TMEM117: variants seen among roughly 807,000 people sequenced by gnomAD.
TMEM117 encodes transmembrane protein 117.
Under a neutral mutation model 52.4 loss-of-function variants are expected in TMEM117, and 27 were observed. That is an observed-to-expected ratio of 0.51 (90% CI 0.38 to 0.71). TMEM117 has a LOEUF of 0.71. Among genes scored for constraint, TMEM117 ranks in the 30% least tolerant of loss-of-function variants. TMEM117 has a pLI of 0.00. For synonymous variants in TMEM117, 215 were observed against 206.3 expected (o/e 1.04, Z -0.36); for missense variants, 556 against 630.5 (o/e 0.88, Z 1.26).
At chr12:44,271,844 G>T (rs1418281593) in intron 5 of TMEM117, among the ~76,000 whole-genome samples, 1 of 151,990 alleles carries the variant, frequency 6.6e-6, no homozygotes, top group Admixed American at 6.6e-5. Context: ...TATATGATAA[G>T]GGGTTAATAT....
intron 3 of TMEM117, among the ~76,000 whole-genome samples, chr12:44,081,562 A>G (rs1299971405): frequency 6.6e-6 from 1 of 152,158 alleles, no homozygotes; most frequent in Non-Finnish European, 1.5e-5. Flanking sequence ...AGAATCAATA[A>G]TTAGATGGCC....
rs1438209796 is a variant in TMEM117 at position 43,844,942 on chromosome 12, C to T, written c.277+14C>T. On this transcript the variant is annotated intron_variant, in intron 2 of 7. Transcript: ENST00000266534. ...AGCGTTTGTTTGGTAAGTACCATGACCCATGAAATGTAATATCACTAATTA... is the reference window on the plus strand; with the variant it reads ...AGCGTTTGTTTGGTAAGTACCATGATCCATGAAATGTAATATCACTAATTA... 3.8e-6 allele frequency: 6 copies of T among 1,590,100 alleles called. No homozygotes were observed. Among genetic ancestry groups the T allele is most frequent in the Non-Finnish European group, 5.1e-6 (6 of 1,172,950 alleles).
the TMEM117 span, among the ~76,000 whole-genome samples, chr12:43,811,545 T>C: frequency 6.6e-6 from 1 of 152,234 alleles, no homozygotes; most frequent in Non-Finnish European, 1.5e-5. Context: ...CAGCCAAATA[T>C]ATTTTGTAAG....
At chr12:44,199,659 T>C (rs777214942) in intron 4 of TMEM117, among the ~76,000 whole-genome samples, 1 of 152,186 alleles carries the variant, frequency 6.6e-6, no homozygotes, top group African/African-American at 2.4e-5. Flanking sequence ...AGGATCTTTA[T>C]TGAAGTATTT....
intron 3 of TMEM117, among the ~76,000 whole-genome samples, chr12:44,023,923 C>G (rs1269974112): frequency 6.6e-6 from 1 of 151,758 alleles, no homozygotes; most frequent in Non-Finnish European, 1.5e-5. Context: ...TGTAACAAAT[C>G]TGCACATTGT....
chr12:44,104,954 A>G (rs547140112), intron 3 of TMEM117, among the ~76,000 whole-genome samples: 1 of 152,012 alleles, frequency 6.6e-6, no homozygotes, highest in South Asian at 2.1e-4. Context: ...CTAGATGTAG[A>G]CTTTTGACAT....
upstream of TMEM117, chr12:43,835,930 G>C (rs964732378): frequency 3.3e-5 from 5 of 151,710 alleles, no homozygotes; most frequent in Admixed American, 6.6e-5. Context: ...CGCGGCGCCG[G>C]TGCCCTTGCG....
chr12:44,191,180 T>C (rs1160977155), intron 4 of TMEM117, among the ~76,000 whole-genome samples: 1 of 151,954 alleles, frequency 6.6e-6, no homozygotes, highest in African/African-American at 2.4e-5. Context: ...AAGCCTCTTA[T>C]AAAATCCATC....
chr12:44,397,554 C>G, the TMEM117 span, among the ~76,000 whole-genome samples: 2 of 152,134 alleles, frequency 1.3e-5, no homozygotes, highest in Admixed American at 1.3e-4. Context: ...AAAACTCGGA[C>G]GAACTGTGAT....
intron 4 of TMEM117, among the ~76,000 whole-genome samples, chr12:44,170,936 A>C (rs1949036369): frequency 6.6e-6 from 1 of 152,044 alleles, no homozygotes; most frequent in Non-Finnish European, 1.5e-5. Flanking sequence ...AAATTTTGCC[A>C]ATTTTTCCAG....
intron 3 of TMEM117, among the ~76,000 whole-genome samples, chr12:44,072,135 A>G (rs1441940928): frequency 6.6e-6 from 1 of 152,104 alleles, no homozygotes; most frequent in Non-Finnish European, 1.5e-5. Context: ...TTTCCCATTT[A>G]TTCCAGTTTG....
intron 5 of TMEM117, among the ~76,000 whole-genome samples, chr12:44,262,033 G>A (rs1292470614): frequency 6.6e-6 from 1 of 152,202 alleles, no homozygotes; most frequent in African/African-American, 2.4e-5. Flanking sequence ...TCCATGTGGA[G>A]TTTTTATAAA....
rs897106641 is a variant in TMEM117 at position 44,372,246 on chromosome 12, C to A, written c.769-4349C>A. 2.0e-5 allele frequency among the ~76,000 whole-genome samples: 3 copies of A among 152,312 alleles called. No homozygotes were observed. In the East Asian group the frequency reaches 5.8e-4, roughly 29 times the overall value. ...TAATATACAATCCCAGGATTAGCCT[C>A]TCTACCATGGGCTTTGTAGCTGAAC... On this transcript the variant is annotated intron_variant, in intron 6 of 7. Transcript: ENST00000266534.
intron 2 of TMEM117, among the ~76,000 whole-genome samples, chr12:43,850,302 G>A (rs1933150971): frequency 6.6e-6 from 1 of 152,182 alleles, no homozygotes; most frequent in African/African-American, 2.4e-5. Flanking sequence ...CAACATGATG[G>A]ATTAGCATTT....
chr12:43,902,022 A>G, intron 2 of TMEM117, among the ~76,000 whole-genome samples: 1 of 152,244 alleles, frequency 6.6e-6, no homozygotes, highest in East Asian at 1.9e-4. Flanking sequence ...TACTCAACCT[A>G]CATAAATTTT....
the TMEM117 span, chr12:43,799,387 TTG>T: frequency 6.4e-7 from 1 of 1,568,744 alleles, no homozygotes; most frequent in Non-Finnish European, 8.7e-7. Flanking sequence ...GACTTTGTAG[TTG>T]TAACTTACCT....
chr12:43,982,886 T>C (rs1257479954), intron 3 of TMEM117, among the ~76,000 whole-genome samples: 1 of 152,220 alleles, frequency 6.6e-6, no homozygotes, highest in African/African-American at 2.4e-5. Context: ...TTCCATATGC[T>C]ACCTCATTTT....
At chr12:44,097,258 C>T (rs1313095095) in intron 3 of TMEM117, among the ~76,000 whole-genome samples, 2 of 152,126 alleles carry the variant, frequency 1.3e-5, no homozygotes, top group Non-Finnish European at 2.9e-5. Context: ...CACTTTTACA[C>T]TGTTGGTGGG....
intron 3 of TMEM117, among the ~76,000 whole-genome samples, chr12:44,038,644 C>T (rs546386068): frequency 1.3e-5 from 2 of 152,182 alleles, no homozygotes; most frequent in East Asian, 1.9e-4. Flanking sequence ...GGCAAAGGTG[C>T]CCCTGGCCAC....
Sources: gnomAD v4.1 joint callset for allele counts (sites outside exome capture counted in the v4.1 genomes callset) on GRCh38, gnomAD v4.1.1 for gene constraint, MANE v1.5 for transcripts, NCBI Gene and HGNC (gene_info 2026-07-23, HGNC 2026-07-21) for gene names.